CAMTA1: variants seen among roughly 807,000 people sequenced by gnomAD.
CAMTA1 encodes the protein calmodulin binding transcription activator 1.
Under a neutral mutation model 170.9 loss-of-function variants are expected in CAMTA1, and 27 were observed. The ratio of observed to expected loss-of-function variants is 0.16; its 90% CI spans 0.12 to 0.22. CAMTA1 has a LOEUF of 0.22. Ranked by LOEUF, CAMTA1 falls within the 10% of genes least tolerant of loss-of-function variation. CAMTA1 has a pLI of 1.00. For missense variants in CAMTA1, 1,619 were observed against 2,217.2 expected, an observed-to-expected ratio of 0.73 and a Z score of 5.42; for synonymous variants, 833 against 891.5, an observed-to-expected ratio of 0.93 and a Z score of 1.17.
chr1:7,327,420 A>AG (rs1241494662), intron 5 of CAMTA1, among the ~76,000 whole-genome samples: 3 of 151,606 alleles, frequency 2.0e-5, no homozygotes, highest in Non-Finnish European at 4.4e-5. Context: ...AAAAAAAAAA[A>AG]AAAAAGAAAA....
At chr1:7,276,315 T>TTTTTTTC in intron 5 of CAMTA1, among the ~76,000 whole-genome samples, 1 of 72,836 alleles carries the variant, frequency 1.4e-5, no homozygotes, top group African/African-American at 7.5e-5. Context: ...TTTTTTTTTT[T>TTTTTTTC]TTTTTTCTTT....
At chr1:6,802,603 T>A (rs1214106046) in intron 1 of CAMTA1, among the ~76,000 whole-genome samples, 1 of 152,032 alleles carries the variant, frequency 6.6e-6, no homozygotes, top group Non-Finnish European at 1.5e-5. Flanking sequence ...TGCTATAGAG[T>A]TTTGCAGAGA....
intron 4 of CAMTA1, among the ~76,000 whole-genome samples, chr1:7,106,264 G>A (rs2148326687): frequency 6.6e-6 from 1 of 151,864 alleles, no homozygotes; most frequent in Non-Finnish European, 1.5e-5. Context: ...GGGAGAGAGA[G>A]AGAGAGAGAA....
At chr1:7,706,428 C>T (rs1311183867) in intron 11 of CAMTA1, among the ~76,000 whole-genome samples, 2 of 152,198 alleles carry the variant, frequency 1.3e-5, no homozygotes, top group African/African-American at 4.8e-5. Context: ...CCTTGAGGAA[C>T]TGAAGTGTTC....
In CAMTA1 at chr1:7,426,272, A is replaced by G. The variant is rs553501102; in HGVS notation, c.439-41558A>G. Among the ~76,000 whole-genome samples, 1 of 152,236 alleles carries G rather than the reference A, an allele frequency of 6.6e-6. No individual in the cohort carries two copies. Among genetic ancestry groups the G allele is most frequent in the South Asian group, 2.1e-4 (1 of 4,824 alleles). ...AGCTGCACGGTCCGAAGCTCAGAGC[A>G]TCCTCACTAGCATTTCTGTAGCCCC... On this transcript the variant is annotated intron_variant, in intron 5 of 22. Coordinates refer to ENST00000303635, the MANE Select transcript of CAMTA1 (RefSeq NM_015215.4). The surrounding 1 kb of genome is among the most constrained non-coding windows in gnomAD (Gnocchi z 4.8).
rs148953149 is a variant in CAMTA1, at chr1:7,106,189, A to T, written c.302+14818A>T. On this transcript the variant is annotated intron_variant, in intron 4 of 22. Transcript: ENST00000303635. ...ACTTGCAAAACCCTTCAGATCTGGGATCTCAATCCTTTTAACAACCTGCAA... is the reference window on the plus strand; with the variant it reads ...ACTTGCAAAACCCTTCAGATCTGGGTTCTCAATCCTTTTAACAACCTGCAA... Among the ~76,000 whole-genome samples, 56 of 152,184 alleles carry T rather than the reference A, an allele frequency of 3.7e-4. 1 individual carries two copies. The East Asian group carries it at 8.9e-3, about 24-fold the overall frequency.
chr1:7,635,811 A>C lies in CAMTA1; in HGVS notation c.511-4589A>C, dbSNP rs568513336. On this transcript the variant is annotated intron_variant, in intron 6 of 22. Coordinates refer to ENST00000303635, the MANE Select transcript of CAMTA1 (RefSeq NM_015215.4). This position sits in a 1 kb window ranked among gnomAD's most constrained non-coding sequence, Gnocchi z 4.4. Reference sequence around the variant, plus strand: ...ATGAAACTGATACATTAGGACTCCAAGCTAATATATTTTTCTGCCAAAAAC... The same window carrying C: ...ATGAAACTGATACATTAGGACTCCACGCTAATATATTTTTCTGCCAAAAAC... 6.6e-6 allele frequency among the ~76,000 whole-genome samples: 1 copy of C among 152,204 alleles called. No individual in the cohort carries two copies. The highest frequency in any genetic ancestry group is 1.5e-5 in the Non-Finnish European group (1 of 68,032).
chr1:7,031,001 A>ATTTTT lies in CAMTA1; in HGVS notation c.235-60281_235-60277dup, dbSNP rs58953861. On this transcript the variant is annotated intron_variant, in intron 3 of 22. Coordinates refer to ENST00000303635, the MANE Select transcript of CAMTA1 (RefSeq NM_015215.4). ...AGGCGCTCGCCACCATGCCCAGCTA[A>ATTTTT]TTTTTTTTTTTTTTTTTTTTTTTTT... 1.4e-3 allele frequency among the ~76,000 whole-genome samples: 145 copies of ATTTTT among 100,028 alleles called. 3 individuals carry two copies. Among genetic ancestry groups the ATTTTT allele is most frequent in the African/African-American group, 5.9e-3 (139 of 23,582 alleles). The allele number at this position is 100,028 out of a possible 152,430, so 65.6% of individuals were successfully genotyped here.
Position 7,249,414 on chromosome 1 carries a change from C to T in CAMTA1, c.303-77C>T. The stretch of plus-strand genomic sequence containing the variant: ...TATTGCTTTTCTGTAGAGACTTTTA[C>T]TGGTCGATGATATCTTTCTTCATAA... On this transcript the variant is annotated intron_variant, in intron 4 of 22. Coordinates refer to ENST00000303635, the MANE Select transcript of CAMTA1 (RefSeq NM_015215.4). The surrounding 1 kb of genome is among the most constrained non-coding windows in gnomAD (Gnocchi z 4.4). The T allele has an allele frequency of 3.0e-6, 4 of 1,354,634 alleles. No individual in the cohort carries two copies. In the South Asian group the frequency reaches 5.7e-5, roughly 19 times the overall value. The allele number at this position is 1,354,634 out of a possible 1,614,324, so 83.9% of individuals were successfully genotyped here. A position where few individuals can be genotyped will look rare whatever the true frequency, so the allele number is the denominator to read the frequency against.
chr1:7,516,470 G>T (rs1288988483), intron 6 of CAMTA1, among the ~76,000 whole-genome samples: 1 of 152,234 alleles, frequency 6.6e-6, no homozygotes, highest in Non-Finnish European at 1.5e-5. Flanking sequence ...CCCCTCTGCT[G>T]GCTGGGAGAA....
chr1:7,636,356 A>G lies in CAMTA1; in HGVS notation c.511-4044A>G, dbSNP rs114210491. ...TGCGTCAGGCTCTCAAAGAGATCTC[A>G]TACCCAGAAAAGATGAAGAACCAGC... On this transcript the variant is annotated intron_variant, in intron 6 of 22. Coordinates refer to ENST00000303635, the MANE Select transcript of CAMTA1 (RefSeq NM_015215.4). Among the ~76,000 whole-genome samples the G allele has an allele frequency of 5.1e-3, 777 of 152,328 alleles. 5 individuals carry two copies. The highest frequency in any genetic ancestry group is 0.018 in the African/African-American group (747 of 41,578).
At chr1:7,542,879 G>GTGTGTGT (rs1459264062) in intron 6 of CAMTA1, among the ~76,000 whole-genome samples, 2 of 138,172 alleles carry the variant, frequency 1.4e-5, no homozygotes, top group South Asian at 2.3e-4. Context: ...GTGTGTGTGT[G>GTGTGTGT]TTTGAGCCGG....
chr1:7,477,062 G>A (rs1339351331), intron 6 of CAMTA1, among the ~76,000 whole-genome samples: 1 of 152,202 alleles, frequency 6.6e-6, no homozygotes, highest in African/African-American at 2.4e-5. Context: ...TAGGAGAAGG[G>A]CAAGGGGGTG....
At chr1:7,019,324 T>C (rs908853364) in intron 3 of CAMTA1, among the ~76,000 whole-genome samples, 1 of 152,238 alleles carries the variant, frequency 6.6e-6, no homozygotes, top group African/African-American at 2.4e-5. Context: ...AATAGGTTCC[T>C]TTGAACAACA....
chr1:7,281,397 A>G (rs930235688), intron 5 of CAMTA1, among the ~76,000 whole-genome samples: 3 of 152,156 alleles, frequency 2.0e-5, no homozygotes, highest in African/African-American at 7.2e-5. Flanking sequence ...CAAGAGTAAA[A>G]CCTTATTACC....
intron 3 of CAMTA1, among the ~76,000 whole-genome samples, chr1:6,840,771 AGGAGCCAGCACAGGAGGCTGCAGG>A (rs1655348684): frequency 6.6e-6 from 1 of 152,204 alleles, no homozygotes; most frequent in African/African-American, 2.4e-5. Context: ...GCAGTGCAGG[AGGAGCCAGCACAGGAGGCTGCAGG>A]GGAGCCAGGG....
intron 5 of CAMTA1, among the ~76,000 whole-genome samples, chr1:7,359,238 G>A (rs543166696): frequency 3.3e-5 from 3 of 92,256 alleles, no homozygotes; most frequent in South Asian, 2.8e-4. Context: ...TGGGGAGCCA[G>A]CCTTTCCTCA....
chr1:7,677,747 T>G lies in CAMTA1; in HGVS notation c.2914+14T>G. ...TGTCGTTGGACGGTAAGAACAGTGC[T>G]TGGGTCGTCTTGCCAGGCACCAAGG... On this transcript the variant is annotated intron_variant, in intron 11 of 22. Coordinates refer to ENST00000303635, the MANE Select transcript of CAMTA1 (RefSeq NM_015215.4). 1 of 1,608,564 alleles carries G rather than the reference T, an allele frequency of 6.2e-7. No homozygotes were observed. Among genetic ancestry groups the G allele is most frequent in the Non-Finnish European group, 8.5e-7 (1 of 1,177,454 alleles).
At chr1:7,360,447 T>G (rs536277450) in intron 5 of CAMTA1, among the ~76,000 whole-genome samples, 5 of 152,278 alleles carry the variant, frequency 3.3e-5, no homozygotes, top group African/African-American at 1.2e-4. Flanking sequence ...AAATCTCAGG[T>G]CTACCATTCA....
Sources: gnomAD v4.1 joint callset for allele counts (sites outside exome capture counted in the v4.1 genomes callset) on GRCh38, gnomAD v4.1.1 for gene constraint, Gnocchi (gnomAD v3.1) non-coding constraint, MANE v1.5 for transcripts, NCBI Gene and HGNC (gene_info 2026-07-23, HGNC 2026-07-21) for gene names.